The following RBMS3 variants were observed in gnomAD, a reference collection of about 807,000 sequenced individuals.
The protein encoded by RBMS3 is RNA-binding motif, single-stranded-interacting protein 3.
In RBMS3, 27 loss-of-function variants were observed where a neutral mutation model predicts 66.8. The ratio of observed to expected loss-of-function variants is 0.40; its 90% confidence interval spans 0.30 to 0.56. The LOEUF (loss-of-function observed/expected upper bound fraction) is 0.56. RBMS3 is among the 20% of genes least tolerant of loss of function. The probability of loss-of-function intolerance (pLI) is 0.40; values close to 1 mark genes in which losing one functional copy is unlikely to be tolerated. For missense variants in RBMS3, 513 were observed against 549.5 expected, an observed-to-expected ratio of 0.93 and a Z score of 0.66; for synonymous variants, 188 against 183.0, an observed-to-expected ratio of 1.03 and a Z score of -0.22.
chr3:29,379,704 A>C (rs181671902), intron 1 of RBMS3, among the ~76,000 whole-genome samples: 1 of 152,378 alleles, frequency 6.6e-6, no homozygotes, highest in East Asian at 1.9e-4. Context: ...TGGTGGGGAC[A>C]CAGCGAAGCT....
chr3:29,897,573 C>T (rs755585331), intron 9 of RBMS3, 98 bp downstream of exon 9: 7 of 1,071,486 alleles, frequency 6.5e-6, no homozygotes, highest in Non-Finnish European at 1.0e-5. Flanking sequence ...GAAAAAAATT[C>T]TCATACACTT....
intron 3 of RBMS3, among the ~76,000 whole-genome samples, chr3:29,549,059 GTTTTTTTT>G (rs5847579): frequency 1.5e-4 from 13 of 85,364 alleles, no homozygotes; most frequent in South Asian, 4.2e-4. Flanking sequence ...TCCTACTTCT[GTTTTTTTT>G]TTTTTTTTTT....
intron 3 of RBMS3, among the ~76,000 whole-genome samples, chr3:29,556,689 T>A (rs1390673412): frequency 2.0e-5 from 3 of 152,314 alleles, no homozygotes; most frequent in Middle Eastern, 3.4e-3. Flanking sequence ...GAACAACTTT[T>A]AGGTCTTCTG....
At chr3:29,944,166 G>A in intron 11 of RBMS3, 41 bp from the exon 12 acceptor site, 1 of 1,519,250 alleles carries the variant, frequency 6.6e-7, no homozygotes, top group South Asian at 1.1e-5. Context: ...ATTTTCTTTT[G>A]TACTTCATTG....
At chr3:29,368,110 A>G (rs1425731735) in intron 1 of RBMS3, among the ~76,000 whole-genome samples, 1 of 152,194 alleles carries the variant, frequency 6.6e-6, no homozygotes, top group African/African-American at 2.4e-5. Context: ...CTTTGTATAT[A>G]GATATGGGAT....
chr3:29,851,031 C>T (rs758760763), intron 6 of RBMS3, among the ~76,000 whole-genome samples: 3 of 152,234 alleles, frequency 2.0e-5, no homozygotes, highest in Non-Finnish European at 4.4e-5. Context: ...ATTGCTCCCT[C>T]CTTTCTTTTA....
chr3:29,937,001 AAC>A (rs1243784874), intron 11 of RBMS3, among the ~76,000 whole-genome samples: 9 of 152,104 alleles, frequency 5.9e-5, no homozygotes, highest in African/African-American at 9.7e-5. Flanking sequence ...CACCTTCAGT[AAC>A]AGTTTTATTT....
At position 29,753,248 on chromosome 3, in the gene RBMS3, A is replaced by G. The variant is rs757021355; in HGVS notation, c.558-9662A>G. ...TGTGAAAAACAGGCAGTGCACCTAG[A>G]TATTTAAAATTGAACGATCCCACTT... On this transcript the variant is annotated intron_variant, in intron 5 of 14. Coordinates refer to ENST00000383767, the MANE Select transcript of RBMS3 (RefSeq NM_001003793.3). Among the ~76,000 whole-genome samples the G allele has an allele frequency of 1.9e-4, 29 of 152,308 alleles. 1 individual carries two copies. The highest frequency in any genetic ancestry group is 3.4e-3 in the Middle Eastern group (1 of 294).
chr3:29,608,138 T>C (rs1328775149), intron 4 of RBMS3, among the ~76,000 whole-genome samples: 2 of 151,932 alleles, frequency 1.3e-5, no homozygotes, highest in South Asian at 2.1e-4. Flanking sequence ...GATAAAATAA[T>C]ATGTCTGTCT....
intron 6 of RBMS3, chr3:29,797,780 G>C (rs1362285920): frequency 1.3e-5 from 2 of 152,170 alleles, no homozygotes; most frequent in Non-Finnish European, 2.9e-5. Context: ...ACTCCCAGAA[G>C]TGATATAGTA....
chr3:29,427,234 T>C (rs1294808753), intron 1 of RBMS3, among the ~76,000 whole-genome samples: 1 of 152,268 alleles, frequency 6.6e-6, no homozygotes, highest in Non-Finnish European at 1.5e-5. Flanking sequence ...ACTATGCTTG[T>C]ATTCTAGATA....
chr3:29,472,087 C>A (rs1046382076), intron 2 of RBMS3, among the ~76,000 whole-genome samples: 3 of 151,974 alleles, frequency 2.0e-5, no homozygotes, highest in African/African-American at 7.3e-5. Context: ...TACTAATCGT[C>A]AGTGTATAGT....
chr3:29,576,893 G>T (rs955848702), intron 3 of RBMS3, among the ~76,000 whole-genome samples: 8 of 152,146 alleles, frequency 5.3e-5, no homozygotes, highest in Non-Finnish European at 1.2e-4. Context: ...ATCTCCTCTG[G>T]CCCAGGGCAG....
At position 29,761,221 on chromosome 3, in the gene RBMS3, G is replaced by C. The variant is rs139527244; in HGVS notation, c.558-1689G>C. Among the ~76,000 whole-genome samples the C allele has an allele frequency of 1.2e-3, 187 of 152,170 alleles. 1 individual carries two copies. The highest frequency in any genetic ancestry group is 2.1e-3 in the Non-Finnish European group (143 of 67,996). ...AAATTTAGCCCTGCTTGGCGGTAGA[G>C]ATTTGTCATATCCATCGATACAGAA... On this transcript the variant is annotated intron_variant, in intron 5 of 14. Transcript: ENST00000383767.
intron 14 of RBMS3, among the ~76,000 whole-genome samples, chr3:29,996,821 A>G (rs1166325676): frequency 1.3e-5 from 2 of 152,172 alleles, no homozygotes; most frequent in African/African-American, 4.8e-5. Flanking sequence ...AGCAGGAAAG[A>G]TCTAAAATTG....
chr3:29,588,717 T>C (rs890223434), intron 4 of RBMS3, among the ~76,000 whole-genome samples: 6 of 152,030 alleles, frequency 3.9e-5, no homozygotes, highest in Admixed American at 2.0e-4. Context: ...TGGACTAAGA[T>C]TGATGAAGTT....
chr3:29,868,388 T>G (rs1309589620), intron 6 of RBMS3, among the ~76,000 whole-genome samples: 1 of 152,188 alleles, frequency 6.6e-6, no homozygotes, highest in South Asian at 2.1e-4. Flanking sequence ...AGGGGACTAA[T>G]TTTTTAAAAG....
chr3:29,911,502 G>A (rs2060511871), intron 10 of RBMS3, among the ~76,000 whole-genome samples: 1 of 152,052 alleles, frequency 6.6e-6, no homozygotes, highest in Non-Finnish European at 1.5e-5. Flanking sequence ...AATATCCGAT[G>A]TGCCCTTTCA....
At chr3:29,751,359 C>T (rs2055173634) in intron 5 of RBMS3, among the ~76,000 whole-genome samples, 1 of 152,146 alleles carries the variant, frequency 6.6e-6, no homozygotes, top group Non-Finnish European at 1.5e-5. Flanking sequence ...CTTTTATAAC[C>T]TTTTGTAATT....
Sources: allele counts gnomAD v4.1 joint callset (sites outside exome capture counted in the v4.1 genomes callset), GRCh38; gene constraint gnomAD v4.1.1; transcripts MANE v1.5; gene names NCBI Gene and HGNC (gene_info 2026-07-23, HGNC 2026-07-21).